HEMK2: variants seen among roughly 807,000 people sequenced by gnomAD.
The protein encoded by HEMK2 is methyltransferase HEMK2.
At chr21:28,707,440 T>C in the HEMK2 span, among the ~76,000 whole-genome samples, 2 of 151,690 alleles carry the variant, frequency 1.3e-5, no homozygotes, top group South Asian at 2.1e-4. Flanking sequence ...ATTTTTTGTA[T>C]AGACGGGATT....
At chr21:28,855,455 G>A in the HEMK2 span, among the ~76,000 whole-genome samples, 1 of 152,134 alleles carries the variant, frequency 6.6e-6, no homozygotes, top group Non-Finnish European at 1.5e-5. Context: ...AGACCATTAA[G>A]GTAGAAAACT....
At chr21:28,702,858 T>C in the HEMK2 span, among the ~76,000 whole-genome samples, 36 of 152,132 alleles carry the variant, frequency 2.4e-4, no homozygotes, top group African/African-American at 8.4e-4. Flanking sequence ...ATACATGCAC[T>C]TGTATGTTCA....
At chr21:28,817,078 G>A in the HEMK2 span, among the ~76,000 whole-genome samples, 1 of 152,170 alleles carries the variant, frequency 6.6e-6, no homozygotes, top group Non-Finnish European at 1.5e-5. Context: ...GTTGGGCAGG[G>A]GGTGGGGTGG....
At chr21:28,825,310 A>T in the HEMK2 span, among the ~76,000 whole-genome samples, 1 of 152,182 alleles carries the variant, frequency 6.6e-6, no homozygotes. Context: ...TTGCATTTCT[A>T]ACACATTCCC....
chr21:28,647,674 G>A, the HEMK2 span, among the ~76,000 whole-genome samples: 7 of 152,228 alleles, frequency 4.6e-5, no homozygotes, highest in South Asian at 4.1e-4. Flanking sequence ...CCCCAGGGGC[G>A]AGGGTTGAGG....
chr21:28,857,985 T>G, the HEMK2 span, among the ~76,000 whole-genome samples: 1 of 152,254 alleles, frequency 6.6e-6, no homozygotes, highest in Non-Finnish European at 1.5e-5. Context: ...TCATAGGTCA[T>G]GCTGACCCAC....
chr21:28,609,108 C>T, the HEMK2 span, among the ~76,000 whole-genome samples: 2 of 152,096 alleles, frequency 1.3e-5, no homozygotes, highest in Non-Finnish European at 1.5e-5. Flanking sequence ...AACCAGCACA[C>T]GTAACAAAAA....
chr21:28,654,586 T>C, the HEMK2 span, among the ~76,000 whole-genome samples: 24 of 152,216 alleles, frequency 1.6e-4, no homozygotes, highest in South Asian at 2.5e-3. Context: ...ACAGAGTTTC[T>C]ACTGTCTCGA....
the HEMK2 span, among the ~76,000 whole-genome samples, chr21:28,782,988 G>A: frequency 6.6e-6 from 1 of 152,120 alleles, no homozygotes; most frequent in Non-Finnish European, 1.5e-5. Flanking sequence ...GTAGAATAAT[G>A]ATCTCTTTCA....
the HEMK2 span, among the ~76,000 whole-genome samples, chr21:28,654,077 G>A: frequency 4.8e-4 from 73 of 152,106 alleles, no homozygotes; most frequent in Non-Finnish European, 8.8e-4. Context: ...TGTCAAATGA[G>A]CAGAAAGTAC....
chr21:28,746,538 A>G, the HEMK2 span, among the ~76,000 whole-genome samples: 3 of 152,206 alleles, frequency 2.0e-5, no homozygotes, highest in African/African-American at 7.2e-5. Context: ...AAGGGAATAT[A>G]TGAGTGATAA....
At chr21:28,834,629 G>A in the HEMK2 span, among the ~76,000 whole-genome samples, 1 of 152,156 alleles carries the variant, frequency 6.6e-6, no homozygotes, top group African/African-American at 2.4e-5. Flanking sequence ...AATTAGAACG[G>A]GGGTTGAAGC....
chr21:28,754,068 CA>C, the HEMK2 span, among the ~76,000 whole-genome samples: 2 of 152,216 alleles, frequency 1.3e-5, no homozygotes, highest in Non-Finnish European at 2.9e-5. Context: ...TTCATTTCTA[CA>C]AATCTCATAC....
the HEMK2 span, among the ~76,000 whole-genome samples, chr21:28,610,447 C>A: frequency 2.6e-5 from 4 of 151,826 alleles, no homozygotes; most frequent in African/African-American, 9.7e-5. Flanking sequence ...CAAAATAGAA[C>A]CTCCCAAAAG....
the HEMK2 span, among the ~76,000 whole-genome samples, chr21:28,752,275 C>G: frequency 1.3e-5 from 2 of 152,200 alleles, no homozygotes; most frequent in Non-Finnish European, 2.9e-5. Flanking sequence ...ATCTGGTTAT[C>G]TGGTCATCAT....
the HEMK2 span, among the ~76,000 whole-genome samples, chr21:28,837,561 T>A: frequency 6.6e-6 from 1 of 152,068 alleles, no homozygotes; most frequent in Non-Finnish European, 1.5e-5. Flanking sequence ...GAGTGGAAAG[T>A]TCACATCCCT....
chr21:28,818,037 G>A, the HEMK2 span, among the ~76,000 whole-genome samples: 27 of 152,268 alleles, frequency 1.8e-4, no homozygotes, highest in African/African-American at 6.3e-4. Context: ...GCAAAGTATT[G>A]TTCCTAGGTG....
the HEMK2 span, among the ~76,000 whole-genome samples, chr21:28,795,714 G>A: frequency 3.9e-5 from 6 of 152,192 alleles, no homozygotes; most frequent in Admixed American, 3.9e-4. Context: ...TATATTCAGA[G>A]GAGCCCAATG....
chr21:28,866,175 A>AAAAAAAACACAC, the HEMK2 span, among the ~76,000 whole-genome samples: 4 of 76,234 alleles, frequency 5.2e-5, no homozygotes, highest in South Asian at 6.1e-4. Context: ...CAAAAAAAAA[A>AAAAAAAACACAC]ACACACACAC....
Sources: gnomAD v4.1 joint callset for allele counts (sites outside exome capture counted in the v4.1 genomes callset) on GRCh38, gnomAD v4.1.1 for gene constraint, MANE v1.5 for transcripts, NCBI Gene and HGNC (gene_info 2026-07-23, HGNC 2026-07-21) for gene names.